CDKN2B-AS1: variants seen among roughly 807,000 people sequenced by gnomAD.
CDKN2B-AS1 encodes the protein CDKN2B antisense RNA 1 (non-protein coding).
At chr9:22,072,504 C>T (rs982751464) in intron 4 of CDKN2B-AS1, among the ~76,000 whole-genome samples, 1 of 152,196 alleles carries the variant, frequency 6.6e-6, no homozygotes, top group Non-Finnish European at 1.5e-5. Flanking sequence ...CCTGTGTGCG[C>T]CTGCACATGT....
intron 1 of CDKN2B-AS1, among the ~76,000 whole-genome samples, chr9:22,044,129 G>C (rs1488977476): frequency 6.6e-6 from 1 of 151,794 alleles, no homozygotes; most frequent in African/African-American, 2.4e-5. Flanking sequence ...TTTTCGCCTA[G>C]GTCAGCTATA....
At chr9:22,035,356 C>A (rs916922774) in intron 1 of CDKN2B-AS1, among the ~76,000 whole-genome samples, 1 of 147,438 alleles carries the variant, frequency 6.8e-6, no homozygotes, top group Non-Finnish European at 1.5e-5. Flanking sequence ...TCTCTCAGTT[C>A]TTATTGCTTT....
intron 4 of CDKN2B-AS1, among the ~76,000 whole-genome samples, chr9:22,083,741 GT>G (rs1027124467): frequency 8.5e-5 from 13 of 152,292 alleles, no homozygotes; most frequent in African/African-American, 3.1e-4. Context: ...ACTCAGTGAA[GT>G]TTTTGGAGGG....
intron 4 of CDKN2B-AS1, among the ~76,000 whole-genome samples, chr9:22,065,068 C>A (rs933896289): frequency 1.3e-5 from 2 of 152,150 alleles, no homozygotes; most frequent in African/African-American, 4.8e-5. Flanking sequence ...TTTAACAAAG[C>A]CAAGATTCTA....
At chr9:22,115,109 T>C (rs1240145264) in intron 4 of CDKN2B-AS1, among the ~76,000 whole-genome samples, 1 of 152,172 alleles carries the variant, frequency 6.6e-6, no homozygotes, top group African/African-American at 2.4e-5. Flanking sequence ...TGTAGAGCTA[T>C]GTCAGACAAA....
intron 4 of CDKN2B-AS1, among the ~76,000 whole-genome samples, chr9:22,057,179 G>A (rs1823607006): frequency 6.6e-6 from 1 of 152,118 alleles, no homozygotes; most frequent in African/African-American, 2.4e-5. Context: ...TACAGGGATT[G>A]TCTCTTGATT....
chr9:22,053,775 T>G (rs922872678), intron 3 of CDKN2B-AS1, among the ~76,000 whole-genome samples: 1 of 152,210 alleles, frequency 6.6e-6, no homozygotes, highest in Non-Finnish European at 1.5e-5. Context: ...CAACATATAT[T>G]TGTTTTAGAC....
intron 4 of CDKN2B-AS1, among the ~76,000 whole-genome samples, chr9:22,094,429 A>C (rs1373007370): frequency 6.9e-6 from 1 of 144,480 alleles, no homozygotes; most frequent in South Asian, 2.1e-4. Context: ...ACTTGGTTCC[A>C]TTCTGCCCGT....
At chr9:22,059,236 T>C (rs1032356550) in intron 4 of CDKN2B-AS1, among the ~76,000 whole-genome samples, 2 of 152,220 alleles carry the variant, frequency 1.3e-5, no homozygotes, top group Non-Finnish European at 2.9e-5. Flanking sequence ...GGTAGTCCCT[T>C]CTGCCTATGA....
chr9:22,110,929 A>G (rs1825790261), intron 4 of CDKN2B-AS1, among the ~76,000 whole-genome samples: 1 of 152,126 alleles, frequency 6.6e-6, no homozygotes, highest in Non-Finnish European at 1.5e-5. Flanking sequence ...ATGTAATCCT[A>G]TAGTATGAAT....
intron 1 of CDKN2B-AS1, among the ~76,000 whole-genome samples, chr9:22,045,746 T>A (rs1358770534): frequency 6.6e-6 from 1 of 152,126 alleles, no homozygotes; most frequent in Admixed American, 6.6e-5. Context: ...CCAAAAACTA[T>A]GTTTATACAT....
At chr9:22,058,432 G>A (rs1823666875) in intron 4 of CDKN2B-AS1, 1 of 152,140 alleles carries the variant, frequency 6.6e-6, no homozygotes, top group Non-Finnish European at 1.5e-5. Context: ...ACCTAACACA[G>A]GACAAATGGA....
At chr9:22,011,906 T>TA (rs1331646061) in intron 1 of CDKN2B-AS1, among the ~76,000 whole-genome samples, 10 of 152,204 alleles carry the variant, frequency 6.6e-5, no homozygotes, top group Non-Finnish European at 1.3e-4. Context: ...TGTCTTTTAA[T>TA]AAGGTGGAGA....
In CDKN2B-AS1 at chr9:22,008,776, G is replaced by A. The variant is rs202161436; in HGVS notation, n.29+13615G>A. ...CCGCGTTCGCGCGCCCCCTGCCGGC[G>A]AGGCCCTGGGGCCCCAGCTACCTGG... On this transcript the variant is annotated intron_variant and non_coding_transcript_variant, in intron 1 of 4. Coordinates refer to ENST00000650946, the Ensembl canonical transcript of CDKN2B-AS1. 8 of 1,608,096 alleles carry A rather than the reference G, an allele frequency of 5.0e-6. No homozygotes were observed. Among genetic ancestry groups the A allele is most frequent in the Middle Eastern group, 3.3e-4 (2 of 6,050 alleles).
intron 4 of CDKN2B-AS1, among the ~76,000 whole-genome samples, chr9:22,109,587 T>C (rs970686313): frequency 6.6e-6 from 1 of 152,126 alleles, no homozygotes; most frequent in Non-Finnish European, 1.5e-5. Flanking sequence ...AGAGCAAGTA[T>C]TTTATTGTAT....
At chr9:22,100,105 T>G (rs1825431985) in intron 4 of CDKN2B-AS1, among the ~76,000 whole-genome samples, 1 of 152,216 alleles carries the variant, frequency 6.6e-6, no homozygotes, top group South Asian at 2.1e-4. Flanking sequence ...TAGTATTTTA[T>G]TGACTATATT....
At chr9:22,023,474 C>G (rs898362759) in intron 1 of CDKN2B-AS1, among the ~76,000 whole-genome samples, 2 of 151,960 alleles carry the variant, frequency 1.3e-5, no homozygotes, top group Non-Finnish European at 2.9e-5. Flanking sequence ...TGGCTCACAC[C>G]TGTAATTCCA....
chr9:22,070,845 A>G (rs1824257862), intron 4 of CDKN2B-AS1, among the ~76,000 whole-genome samples: 1 of 152,210 alleles, frequency 6.6e-6, no homozygotes, highest in Non-Finnish European at 1.5e-5. Flanking sequence ...TGCAAATGTA[A>G]GTGACCTAAG....
intron 4 of CDKN2B-AS1, among the ~76,000 whole-genome samples, chr9:22,067,213 T>A (rs1824079466): frequency 6.6e-6 from 1 of 151,978 alleles, no homozygotes. Context: ...TAAAGTATAA[T>A]AATAAACAAA....
Sources: gnomAD v4.1 joint callset for allele counts (sites outside exome capture counted in the v4.1 genomes callset) on GRCh38, gnomAD v4.1.1 for gene constraint, MANE v1.5 for transcripts, NCBI Gene and HGNC (gene_info 2026-07-23, HGNC 2026-07-21) for gene names.